The following MYOM2 variants were observed in gnomAD, a reference collection of about 807,000 sequenced individuals.
MYOM2 encodes myomesin-2.
MYOM2 carries 254 observed loss-of-function variants against 187.6 expected under a neutral mutation model. The ratio of observed to expected loss-of-function variants is 1.35; its 90% confidence interval spans 1.22 to 1.50. MYOM2 has a LOEUF of 1.50. Ranked by LOEUF, MYOM2 falls within the 40% of genes most tolerant of loss-of-function variation. The probability of loss-of-function intolerance (pLI) is 0.00; values close to 1 mark genes in which losing one functional copy is unlikely to be tolerated. For missense variants in MYOM2, 2,796 were observed against 1,924.0 expected, an observed-to-expected ratio of 1.45 and a Z score of -8.48; for synonymous variants, 981 against 753.8, an observed-to-expected ratio of 1.30 and a Z score of -4.94.
At chr8:2,124,115 T>C in intron 30 of MYOM2, 64 bp from the exon 31 acceptor site, 3 of 1,483,914 alleles carry the variant, frequency 2.0e-6, no homozygotes, top group Non-Finnish European at 1.9e-6. Flanking sequence ...TAATTAAACA[T>C]TGAAAATGCT....
intron 8 of MYOM2, among the ~76,000 whole-genome samples, chr8:2,070,863 A>G (rs1300419608): frequency 6.6e-6 from 1 of 152,212 alleles, no homozygotes; most frequent in Non-Finnish European, 1.5e-5. Flanking sequence ...ATTATTTTCC[A>G]AGAACTGAAA....
At position 2,144,672 on chromosome 8, in the gene MYOM2, T is replaced by A; in HGVS notation, c.4089T>A (p.Asn1363Lys). 9.9e-6 allele frequency: 16 copies of A among 1,613,758 alleles called. No individual in the cohort carries two copies. The highest frequency in any genetic ancestry group is 1.4e-5 in the Non-Finnish European group (16 of 1,179,926). ...ACCTCTTCCGTCCAAAGACCTTGAATCTGACCTGCACGGTGTTTGGAAACC... is the reference window on the plus strand; with the variant it reads ...ACCTCTTCCGTCCAAAGACCTTGAAACTGACCTGCACGGTGTTTGGAAACC... Reference protein sequence around the residue: ...VVTIMEGKTLNLTCTVFGNPD... With the variant: ...VVTIMEGKTLKLTCTVFGNPD... Residue 1363 changes from asparagine to lysine, a missense_variant, in exon 37 of 37, where the codon AAT (asparagine) becomes AAA (lysine). Asn to Lys is a moderately conservative substitution (Grantham distance 94). Transcript: ENST00000262113.
At chr8:2,102,259 C>G (rs1199009786) in intron 20 of MYOM2, 1 of 161,276 alleles carries the variant, frequency 6.2e-6, no homozygotes, top group Admixed American at 6.0e-5. Context: ...TAAGAATAAC[C>G]CATGTATGTA....
At chr8:2,124,041 G>A in intron 30 of MYOM2, 138 bp from the exon 31 acceptor site, 1 of 843,054 alleles carries the variant, frequency 1.2e-6, no homozygotes, top group East Asian at 2.7e-5. Flanking sequence ...AGTCTTTTAT[G>A]GATAAATATT....
intron 15 of MYOM2, 116 bp from the exon 16 acceptor site, chr8:2,092,230 C>G (rs1796328402): frequency 7.8e-7 from 1 of 1,276,378 alleles, no homozygotes; most frequent in African/African-American, 1.5e-5. Context: ...GTCTGAATTT[C>G]TTCCAAAGCC....
rs751798819 is a variant in MYOM2, at chr8:2,052,205, C to T, written c.155C>T (p.Ser52Leu). The change falls in exon 3 of 37, where the codon TCG becomes TTG. Residue 52 changes from serine to leucine, a missense_variant. Transcript: ENST00000262113. ...ASSQKSLSQR[S>L]SSQRASSQTS... Reference sequence around the variant, plus strand: ...TCCCAGAAGTCCTTGAGTCAGCGGTCGTCTTCACAGAGAGCCTCCAGCCAG... The same window carrying T: ...TCCCAGAAGTCCTTGAGTCAGCGGTTGTCTTCACAGAGAGCCTCCAGCCAG... The T allele has an allele frequency of 1.4e-5, 23 of 1,613,056 alleles. No individual in the cohort carries two copies. The highest frequency in any genetic ancestry group is 4.0e-5 in the African/African-American group (3 of 74,912).
intron 10 of MYOM2, among the ~76,000 whole-genome samples, chr8:2,073,753 G>A (rs1381040503): frequency 3.3e-5 from 5 of 152,216 alleles, no homozygotes; most frequent in South Asian, 2.1e-4. Flanking sequence ...CTCTTGAATC[G>A]TTCATATAGT....
At chr8:2,132,800 C>G (rs1409178520) in intron 32 of MYOM2, among the ~76,000 whole-genome samples, 4 of 152,220 alleles carry the variant, frequency 2.6e-5, no homozygotes, top group Non-Finnish European at 5.9e-5. Flanking sequence ...GGAGATTTCA[C>G]ACGCAGAGTC....
Position 2,052,278 on chromosome 8 carries a change from C to T in MYOM2, c.228C>T (p.Ser76=). The change falls in exon 3 of 37, where the codon AGC becomes AGT. Residue 76 remains serine (S), a synonymous_variant. Coordinates refer to ENST00000262113, the MANE Select transcript of MYOM2 (RefSeq NM_003970.4). ...GCAGGGTCTGTGCGAAGCGAGTGAG[C>T]ACGCAGGAAGATGAGGAGCAGGAGA... ...TICRVCAKRV[S]TQEDEEQENR... is the part of the protein sequence containing the mutation. 2 of 1,608,100 alleles carry T rather than the reference C, an allele frequency of 1.2e-6. No homozygotes were observed. Among genetic ancestry groups the T allele is most frequent in the African/African-American group, 1.3e-5 (1 of 74,898 alleles).
intron 15 of MYOM2, among the ~76,000 whole-genome samples, chr8:2,090,518 A>G (rs761992711): frequency 5.3e-5 from 8 of 152,188 alleles, no homozygotes; most frequent in Non-Finnish European, 7.3e-5. Context: ...GGCTTCTTAC[A>G]TAGGTAAACT....
At chr8:2,052,010 C>T (rs771245276) in intron 2 of MYOM2, 148 bp from the exon 3 acceptor site, 30 of 911,462 alleles carry the variant, frequency 3.3e-5, no homozygotes, top group Non-Finnish European at 4.9e-5. Flanking sequence ...AGGTGCATGC[C>T]TCTCATATGC....
chr8:2,077,391 T>G (rs771794622), intron 11 of MYOM2, among the ~76,000 whole-genome samples: 2 of 152,124 alleles, frequency 1.3e-5, no homozygotes, highest in South Asian at 4.1e-4. Context: ...ATGCAAAATT[T>G]TATATGTATA....
chr8:2,131,686 C>T (rs534946129), intron 32 of MYOM2, among the ~76,000 whole-genome samples: 1 of 147,920 alleles, frequency 6.8e-6, no homozygotes, highest in Admixed American at 6.8e-5. Context: ...CTCTGTCACC[C>T]AGGCTGGAGT....
intron 28 of MYOM2, among the ~76,000 whole-genome samples, chr8:2,118,577 C>A (rs900121772): frequency 1.3e-5 from 2 of 152,046 alleles, no homozygotes; most frequent in African/African-American, 2.4e-5. Context: ...GCTGCGTGTG[C>A]CAAGGGGACT....
intron 1 of MYOM2, among the ~76,000 whole-genome samples, chr8:2,047,410 G>C (rs1818344510): frequency 1.4e-5 from 2 of 146,694 alleles, no homozygotes; most frequent in South Asian, 4.3e-4. Flanking sequence ...AGTCCTGCTG[G>C]TTTTCTGGGT....
At chr8:2,078,535 A>AAT (rs1030871010) in intron 11 of MYOM2, among the ~76,000 whole-genome samples, 199 bp from the exon 12 acceptor site, 13 of 151,996 alleles carry the variant, frequency 8.6e-5, no homozygotes, top group Admixed American at 7.9e-4. Context: ...TATTACATAT[A>AAT]ATATATATAT....
Position 2,073,479 on chromosome 8 carries a change from A to G in MYOM2, c.1099A>G (p.Ser367Gly), listed in dbSNP as rs766025218. The change falls in exon 10 of 37, where the codon AGC becomes GGC. Residue 367 changes from serine to glycine, a missense_variant. Coordinates refer to ENST00000262113, the MANE Select transcript of MYOM2 (RefSeq NM_003970.4). ...IVSRGGVSDH[S>G]AFLFVRDADP... The stretch of plus-strand genomic sequence containing the variant: ...GTCTCGGGGCGGCGTCAGCGACCAC[A>G]GCGCCTTCCTGTTTGTCAGAGGTGC... 2 of 1,606,322 alleles carry G rather than the reference A, an allele frequency of 1.2e-6. No homozygotes were observed. Among genetic ancestry groups the G allele is most frequent in the Non-Finnish European group, 1.7e-6 (2 of 1,178,846 alleles).
intron 14 of MYOM2, among the ~76,000 whole-genome samples, chr8:2,087,539 G>T (rs1431554590): frequency 6.6e-6 from 1 of 152,156 alleles, no homozygotes; most frequent in Non-Finnish European, 1.5e-5. Flanking sequence ...CTCCTAGGGT[G>T]GAAGGTATTT....
Position 2,050,932 on chromosome 8 carries a change from A to G in MYOM2, c.107+59A>G. 9 of 1,371,388 alleles carry G rather than the reference A, an allele frequency of 6.6e-6. No individual in the cohort carries two copies. The South Asian group carries it at 1.1e-4, about 16-fold the overall frequency. The allele number at this position is 1,371,388 out of a possible 1,614,324, so 85.0% of individuals were successfully genotyped here. ...CTTTGATTATGGGGGTCTGACATTT[A>G]AAGGCTTTTCCAGTTCCGTCAGCCC... On this transcript the variant is annotated intron_variant, in intron 2 of 36. Coordinates refer to ENST00000262113, the MANE Select transcript of MYOM2 (RefSeq NM_003970.4).
Sources: gnomAD v4.1 joint callset for allele counts (sites outside exome capture counted in the v4.1 genomes callset) on GRCh38, gnomAD v4.1.1 for gene constraint, MANE v1.5 for transcripts, NCBI Gene and HGNC (gene_info 2026-07-23, HGNC 2026-07-21) for gene names.